NRG3: variants seen among roughly 807,000 people sequenced by gnomAD.
The protein encoded by NRG3 is neuregulin 3.
Under a neutral mutation model 66.9 loss-of-function variants are expected in NRG3, and 31 were observed. The observed-to-expected ratio is 0.46, with a 90% CI of 0.35 to 0.63. The LOEUF is 0.63. Ranked by LOEUF, NRG3 falls within the 20% of genes least tolerant of loss-of-function variation. The pLI is 0.00. For missense variants in NRG3, 910 were observed against 878.9 expected, an observed-to-expected ratio of 1.04 and a Z score of -0.45; for synonymous variants, 393 against 359.4, an observed-to-expected ratio of 1.09 and a Z score of -1.06.
In NRG3 at chr10:81,914,022, C is replaced by T. The variant is rs867142119; in HGVS notation, c.823+37859C>T. On this transcript the variant is annotated intron_variant, in intron 1 of 8. Transcript: ENST00000372141. ...GTACAGCTATGCACACTCTCTAAGG[C>T]GGGCAGCTGTAAGGGCTGTCCTCTG... 3.9e-5 allele frequency among the ~76,000 whole-genome samples: 6 copies of T among 152,136 alleles called. No homozygotes were observed. In the East Asian group the frequency reaches 5.8e-4, roughly 15 times the overall value.
chr10:82,944,715 T>A (rs567198960), intron 4 of NRG3, among the ~76,000 whole-genome samples: 133 of 152,210 alleles, frequency 8.7e-4, no homozygotes, highest in Non-Finnish European at 1.6e-3. Flanking sequence ...ACTTTCTGTT[T>A]TCTATTATGC....
intron 2 of NRG3, among the ~76,000 whole-genome samples, chr10:82,707,769 G>C (rs926057740): frequency 4.7e-5 from 7 of 150,226 alleles, no homozygotes; most frequent in African/African-American, 1.7e-4. Flanking sequence ...AGCACTTTGG[G>C]AGGCTGAGGT....
chr10:81,967,840 T>A (rs2059789660), intron 1 of NRG3, among the ~76,000 whole-genome samples: 1 of 152,198 alleles, frequency 6.6e-6, no homozygotes, highest in South Asian at 2.1e-4. Flanking sequence ...TTTGACTGCA[T>A]ATGGCTGTAT....
chr10:82,336,714 G>A (rs984941337), intron 1 of NRG3, among the ~76,000 whole-genome samples: 1 of 151,680 alleles, frequency 6.6e-6, no homozygotes, highest in Non-Finnish European at 1.5e-5. Flanking sequence ...CTGGAGATGG[G>A]GTTTTGCCAT....
intron 2 of NRG3, among the ~76,000 whole-genome samples, chr10:82,529,419 G>A (rs774300587): frequency 2.6e-5 from 4 of 152,188 alleles, no homozygotes; most frequent in Admixed American, 1.3e-4. Flanking sequence ...GGTAATAAAA[G>A]TTCAGGCTTC....
chr10:82,287,114 C>T (rs1011580448), intron 1 of NRG3, among the ~76,000 whole-genome samples: 5 of 152,058 alleles, frequency 3.3e-5, no homozygotes, highest in Non-Finnish European at 5.9e-5. Flanking sequence ...TATGTGTCCC[C>T]ATCAAATCTC....
intron 1 of NRG3, among the ~76,000 whole-genome samples, chr10:82,256,214 G>T (rs1425948224): frequency 6.6e-6 from 1 of 152,188 alleles, no homozygotes; most frequent in Non-Finnish European, 1.5e-5. Context: ...GAGCCACTGT[G>T]CCTGGCTTAA....
Position 81,875,421 on chromosome 10 carries a change from G to T in NRG3, c.81G>T (p.Ala27=). ...AAASAEEGTA[A]AAAAAAAGGG... ...CCTCGGCCGAGGAGGGCACCGCGGC[G>T]GCTGCGGCGGCGGCAGCGGCGGGCG... Residue 27 remains alanine, a synonymous_variant, in exon 1 of 9, where the codon GCG becomes GCT. Coordinates refer to ENST00000372141, the MANE Select transcript of NRG3 (RefSeq NM_001010848.4). The surrounding 1 kb of genome is among the most constrained non-coding windows in gnomAD (Gnocchi z 5.3). The T allele has an allele frequency of 9.3e-7, 1 of 1,077,728 alleles. No homozygotes were observed. 66.8% of individuals were successfully genotyped at this position (1,077,728 alleles called of 1,614,324 possible).
chr10:82,473,844 G>A (rs1841503120), intron 2 of NRG3, among the ~76,000 whole-genome samples: 2 of 152,158 alleles, frequency 1.3e-5, no homozygotes, highest in Non-Finnish European at 2.9e-5. Context: ...CAGTGGTGAT[G>A]CCTCATGAAA....
chr10:81,989,090 A>G (rs1411316681), intron 1 of NRG3, among the ~76,000 whole-genome samples: 1 of 152,166 alleles, frequency 6.6e-6, no homozygotes, highest in East Asian at 1.9e-4. Context: ...ACATCTGAAT[A>G]TATTAGATGG....
chr10:82,828,094 A>T (rs1191992739), intron 3 of NRG3, among the ~76,000 whole-genome samples: 1 of 152,142 alleles, frequency 6.6e-6, no homozygotes, highest in African/African-American at 2.4e-5. Flanking sequence ...TGTCTTCTGC[A>T]TGAGCTGTTC....
chr10:82,458,351 A>G (rs1031244954), intron 2 of NRG3, among the ~76,000 whole-genome samples: 2 of 152,164 alleles, frequency 1.3e-5, no homozygotes, highest in African/African-American at 4.8e-5. Context: ...TTTATTATCA[A>G]TGACAAACAG....
At chr10:82,749,258 C>A (rs1268108820) in intron 3 of NRG3, among the ~76,000 whole-genome samples, 1 of 151,838 alleles carries the variant, frequency 6.6e-6, no homozygotes, top group East Asian at 1.9e-4. Context: ...GTTTTGAGAC[C>A]TCCACTCTGC....
At chr10:82,924,001 G>T (rs1846724251) in intron 4 of NRG3, among the ~76,000 whole-genome samples, 1 of 148,114 alleles carries the variant, frequency 6.8e-6, no homozygotes, top group Non-Finnish European at 1.5e-5. Flanking sequence ...AGGAGGCTGA[G>T]ACACGAGAAT....
chr10:82,364,698 A>AT, intron 2 of NRG3, among the ~76,000 whole-genome samples: 1 of 152,188 alleles, frequency 6.6e-6, no homozygotes. Context: ...GCAAAAATGG[A>AT]TTTTCAAAAC....
At chr10:82,051,410 A>G (rs2063585916) in intron 1 of NRG3, among the ~76,000 whole-genome samples, 1 of 152,058 alleles carries the variant, frequency 6.6e-6, no homozygotes, top group Non-Finnish European at 1.5e-5. Context: ...AGAGTCTCTG[A>G]TCCCGTGAGG....
chr10:82,833,347 G>A (rs907687865), intron 3 of NRG3, among the ~76,000 whole-genome samples: 1 of 152,050 alleles, frequency 6.6e-6, no homozygotes, highest in Non-Finnish European at 1.5e-5. Flanking sequence ...TGCTCTCTAG[G>A]AAGATAGGGA....
At chr10:82,097,272 T>G (rs1296859159) in intron 1 of NRG3, among the ~76,000 whole-genome samples, 3 of 151,660 alleles carry the variant, frequency 2.0e-5, no homozygotes. Context: ...GTCTTCATAT[T>G]TTTGCTCAGT....
At chr10:82,340,836 A>G (rs933177702) in intron 1 of NRG3, 1 of 152,194 alleles carries the variant, frequency 6.6e-6, no homozygotes, top group Non-Finnish European at 1.5e-5. Flanking sequence ...ATGGCCGTGC[A>G]CAAGGATGAC....
Sources: gnomAD v4.1 joint callset for allele counts (sites outside exome capture counted in the v4.1 genomes callset) on GRCh38, gnomAD v4.1.1 for gene constraint, Gnocchi (gnomAD v3.1) non-coding constraint, MANE v1.5 for transcripts, NCBI Gene and HGNC (gene_info 2026-07-23, HGNC 2026-07-21) for gene names.